MIEF2: variants seen among roughly 807,000 people sequenced by gnomAD.
MIEF2 encodes the protein mitochondrial dynamics protein MID49.
MIEF2 carries 1 observed loss-of-function variant against 7.4 expected under a neutral mutation model. The ratio of observed to expected loss-of-function variants is 0.14; its 90% CI spans 0.05 to 0.64. The LOEUF is 0.64. Ranked by LOEUF, MIEF2 falls within the 30% of genes least tolerant of loss-of-function variation. MIEF2 has a pLI of 0.85. For missense variants in MIEF2, 569 were observed against 623.9 expected, an observed-to-expected ratio of 0.91 and a Z score of 0.94; for synonymous variants, 275 against 290.5, an observed-to-expected ratio of 0.95 and a Z score of 0.54.
rs550456364 is a variant in MIEF2 at position 18,263,993 on chromosome 17, G to A, written c.594G>A (p.Val198=). Residue 198 remains valine (V), a synonymous_variant, in exon 4 of 4, where the codon GTG becomes GTA. Transcript: ENST00000323019. ...AGAADHVRLL[V]PLVLEPGLWS... is the part of the protein sequence containing the mutation. ...CTGCGGACCATGTGCGTCTCCTGGT[G>A]CCACTGGTGCTGGAGCCGGGCCTGT... is the stretch of plus-strand genomic sequence containing the variant. The A allele has an allele frequency of 7.6e-6, 12 of 1,569,020 alleles. No individual in the cohort carries two copies. The East Asian group carries it at 2.3e-4, about 30-fold the overall frequency.
chr17:18,261,705 C>T (rs138865936), intron 1 of MIEF2, among the ~76,000 whole-genome samples: 2,724 of 152,358 alleles, frequency 0.018, 50 homozygotes, highest in Non-Finnish European at 0.028. Context: ...CTGCCCCTCA[C>T]TGCTGCCTAT....
chr17:18,261,152 A>G lies in MIEF2; in HGVS notation c.-8+415A>G, dbSNP rs771974432. ...CCGCCAGAGATGGGGCTGAGTCCCA[A>G]TTTAGACAGGTTGGGAGTATTTAAA... On this transcript the variant is annotated intron_variant, in intron 1 of 3. Coordinates refer to ENST00000323019, the MANE Select transcript of MIEF2 (RefSeq NM_139162.4). The G allele has an allele frequency of 2.3e-5, 35 of 1,551,560 alleles. No homozygotes were observed. The African/African-American group carries it at 3.4e-4, about 15-fold the overall frequency.
In MIEF2 at chr17:18,260,740, A is replaced by C; in HGVS notation, c.-8+3A>C. ...GTCGTGCGGAAGCTGCGACGCAGGT[A>C]CAGCTGGAGCGCGGCGGGGCGGCCC... is the stretch of plus-strand genomic sequence containing the variant. On this transcript the variant is annotated splice_donor_region_variant and intron_variant, in intron 1 of 3. Transcript: ENST00000323019. 1.4e-5 allele frequency: 3 copies of C among 221,862 alleles called. No homozygotes were observed. The highest frequency in any genetic ancestry group is 2.7e-5 in the Non-Finnish European group (3 of 110,560). 13.7% of individuals were successfully genotyped at this position (221,862 alleles called of 1,614,324 possible). A position where few individuals can be genotyped will look rare whatever the true frequency, so the allele number is the denominator to read the frequency against.
Position 18,263,189 on chromosome 17 carries a change from C to T in MIEF2, c.251C>T (p.Pro84Leu), listed in dbSNP as rs1978515591. 6.2e-7 allele frequency: 1 copy of T among 1,613,646 alleles called. No homozygotes were observed. Among genetic ancestry groups the T allele is most frequent in the Non-Finnish European group, 8.5e-7 (1 of 1,180,044 alleles). Residue 84 changes from proline (P) to leucine (L), a missense_variant, in exon 3 of 4, where the codon CCT becomes CTT. Transcript: ENST00000323019. ...LKATPHLQPRPPPAALSQPVL... is the reference protein window; with the variant it reads ...LKATPHLQPRLPPAALSQPVL... ...GCCACACCACACCTGCAGCCCCGGC[C>T]TCCACCTGCTGCCCTTAGCCAGCCA...
Position 18,263,178 on chromosome 17 carries a change from G to A in MIEF2, c.240G>A (p.Leu80=), listed in dbSNP as rs1309472671. ...ELSLLKATPH[L]QPRPPPAALS... ...GCCTGCTCAAGGCCACACCACACCT[G>A]CAGCCCCGGCCTCCACCTGCTGCCC... The change falls in exon 3 of 4, where the codon CTG becomes CTA. Residue 80 remains leucine, a synonymous_variant. Coordinates refer to ENST00000323019, the MANE Select transcript of MIEF2 (RefSeq NM_139162.4). 6.2e-7 allele frequency: 1 copy of A among 1,613,588 alleles called. No homozygotes were observed. The highest frequency in any genetic ancestry group is 8.5e-7 in the Non-Finnish European group (1 of 1,180,034).
In MIEF2 at chr17:18,264,876, G is replaced by C; in HGVS notation, c.*112G>C. ...TCTAGCTTTTTGCCAGAACAAAGGA[G>C]GGTACATTACTTAAACCCAGGGCAT... On this transcript the variant is annotated 3_prime_UTR_variant, in exon 4 of 4. Coordinates refer to ENST00000323019, the MANE Select transcript of MIEF2 (RefSeq NM_139162.4). 1 of 1,455,594 alleles carries C rather than the reference G, an allele frequency of 6.9e-7. No homozygotes were observed. The highest frequency in any genetic ancestry group is 9.1e-7 in the Non-Finnish European group (1 of 1,102,634). The allele number at this position is 1,455,594 out of a possible 1,614,324, so 90.2% of individuals were successfully genotyped here. A position where few individuals can be genotyped will look rare whatever the true frequency, so the allele number is the denominator to read the frequency against.
chr17:18,266,180 T>C lies in MIEF2; in HGVS notation c.*1416T>C, dbSNP rs1978740128. The C allele has an allele frequency of 6.6e-6, 1 of 151,798 alleles. No individual in the cohort carries two copies. Among genetic ancestry groups the C allele is most frequent in the Non-Finnish European group, 1.5e-5 (1 of 68,008 alleles). The allele number at this position is 151,798 out of a possible 1,614,324, so 9.4% of individuals were successfully genotyped here. A position where few individuals can be genotyped will look rare whatever the true frequency, so the allele number is the denominator to read the frequency against. ...GAAATTGCACCACTGCACTCCAGAC[T>C]GGCGACAGAGCAAGACTCTGTCTCA... On this transcript the variant is annotated 3_prime_UTR_variant, in exon 4 of 4. Transcript: ENST00000323019.
Position 18,264,408 on chromosome 17 carries a change from G to C in MIEF2, c.1009G>C (p.Val337Leu). ...GNLWLQDLYPVEAARLRALDD... is the reference protein window; with the variant it reads ...GNLWLQDLYPLEAARLRALDD... ...CCTCTGGCTGCAGGACCTGTATCCA[G>C]TGGAGGCTGCTAGGCTGCGAGCCCT... Residue 337 changes from valine (V) to leucine (L), a missense_variant, in exon 4 of 4, where the codon GTG becomes CTG. Val to Leu is a conservative substitution (Grantham distance 32). Coordinates refer to ENST00000323019, the MANE Select transcript of MIEF2 (RefSeq NM_139162.4). 1 of 1,601,178 alleles carries C rather than the reference G, an allele frequency of 6.2e-7. No individual in the cohort carries two copies. Among genetic ancestry groups the C allele is most frequent in the Non-Finnish European group, 8.5e-7 (1 of 1,179,844 alleles).
In MIEF2 at chr17:18,266,153, C is replaced by G. The variant is rs1978738304; in HGVS notation, c.*1389C>G. 1 of 151,840 alleles carries G rather than the reference C, an allele frequency of 6.6e-6. No individual in the cohort carries two copies. The highest frequency in any genetic ancestry group is 2.4e-5 in the African/African-American group (1 of 41,238). The allele number at this position is 151,840 out of a possible 1,614,324, so 9.4% of individuals were successfully genotyped here. On this transcript the variant is annotated 3_prime_UTR_variant, in exon 4 of 4. Transcript: ENST00000323019. ...CCCGGGAGGTAGAGGTTGCAATGAG[C>G]TGAAATTGCACCACTGCACTCCAGA...
Position 18,261,051 on chromosome 17 carries a change from T to A in MIEF2, c.-8+314T>A, listed in dbSNP as rs939644765. On this transcript the variant is annotated intron_variant, in intron 1 of 3. Coordinates refer to ENST00000323019, the MANE Select transcript of MIEF2 (RefSeq NM_139162.4). ...GCCTCCAGGGCCCCGCTGCGCAAAC[T>A]TGGGTTATTTTCAGCCACCCGTGCC... The A allele has an allele frequency of 7.6e-5, 115 of 1,512,446 alleles. 1 individual carries two copies. The Middle Eastern group carries it at 1.5e-3, about 19-fold the overall frequency. The allele number at this position is 1,512,446 out of a possible 1,614,324, so 93.7% of individuals were successfully genotyped here.
chr17:18,263,357 T>C (rs1567724911), intron 3 of MIEF2, 109 bp downstream of exon 3: 2 of 1,431,034 alleles, frequency 1.4e-6, no homozygotes, highest in Admixed American at 1.7e-5. Flanking sequence ...CTCTCTCGGT[T>C]GTGGGCTCCT....
In MIEF2 at chr17:18,264,405, C is replaced by G; in HGVS notation, c.1006C>G (p.Pro336Ala). The change falls in exon 4 of 4, where the codon CCA becomes GCA. Residue 336 changes from proline (P) to alanine (A), a missense_variant. By Grantham distance (27) the Pro-to-Ala change is conservative (BLOSUM62 -1). Transcript: ENST00000323019. ...AGNLWLQDLY[P>A]VEAARLRALD... ...GAACCTCTGGCTGCAGGACCTGTAT[C>G]CAGTGGAGGCTGCTAGGCTGCGAGC... 1 of 1,601,204 alleles carries G rather than the reference C, an allele frequency of 6.2e-7. No individual in the cohort carries two copies. The highest frequency in any genetic ancestry group is 8.5e-7 in the Non-Finnish European group (1 of 1,179,836).
Position 18,264,775 on chromosome 17 carries a change from A to G in MIEF2, c.*11A>G, listed in dbSNP as rs1978659296. The G allele has an allele frequency of 1.9e-6, 3 of 1,588,670 alleles. No homozygotes were observed. Among genetic ancestry groups the G allele is most frequent in the Non-Finnish European group, 2.6e-6 (3 of 1,162,708 alleles). The stretch of plus-strand genomic sequence containing the variant: ...GAGGGGCTGCTCTAGGTGGGTGGAA[A>G]CGGGTGGTTGCCATGTTTTCTAATG... On this transcript the variant is annotated 3_prime_UTR_variant, in exon 4 of 4. Coordinates refer to ENST00000323019, the MANE Select transcript of MIEF2 (RefSeq NM_139162.4).
chr17:18,263,802 G>T lies in MIEF2; in HGVS notation c.403G>T (p.Glu135Ter). The stretch of plus-strand genomic sequence containing the variant: ...ACTGCAGGAGAGGCTGCTGGCCTTC[G>T]AGCGGGACCGTGTGACCATCCCAGC... ...LTLQERLLAF[E>*]RDRVTIPAAQ... The change falls in exon 4 of 4, where the codon GAG becomes TAG. Residue 135 changes from glutamate to a stop codon, truncating the protein, a stop_gained. Coordinates refer to ENST00000323019, the MANE Select transcript of MIEF2 (RefSeq NM_139162.4). LOFTEE classifies it low-confidence loss of function (END_TRUNC). 6.2e-7 allele frequency: 1 copy of T among 1,610,084 alleles called. No individual in the cohort carries two copies. The highest frequency in any genetic ancestry group is 8.5e-7 in the Non-Finnish European group (1 of 1,179,878).
intron 3 of MIEF2, 195 bp from the exon 4 acceptor site, chr17:18,263,515 G>A (rs1250297535): frequency 4.6e-6 from 4 of 863,760 alleles, no homozygotes; most frequent in Non-Finnish European, 7.2e-6. Flanking sequence ...TGTCGCCAGG[G>A]TGTTGGACTC....
Position 18,264,360 on chromosome 17 carries a change from C to T in MIEF2, c.961C>T (p.Pro321Ser), listed in dbSNP as rs1230078484. The change falls in exon 4 of 4, where the codon CCC (proline) becomes TCC (serine). Residue 321 changes from proline (P) to serine (S), a missense_variant. Pro to Ser is a moderately conservative substitution (Grantham distance 74). Transcript: ENST00000323019. ...DADDRLLLAW[P>S]LEGLAGNLWL... ...TGACGACCGCCTCCTCTTGGCCTGG[C>T]CCCTGGAGGGGCTGGCGGGGAACCT... 2 of 1,604,986 alleles carry T rather than the reference C, an allele frequency of 1.2e-6. No homozygotes were observed. Among genetic ancestry groups the T allele is most frequent in the Non-Finnish European group, 8.5e-7 (1 of 1,179,850 alleles).
At chr17:18,261,007 G>C in intron 1 of MIEF2, 1 of 1,188,322 alleles carries the variant, frequency 8.4e-7, no homozygotes, top group South Asian at 1.3e-5. Flanking sequence ...AGGTTTGGCG[G>C]AGGAGGGAAG....
chr17:18,261,097 G>A (rs1281446915), intron 1 of MIEF2: 7 of 1,551,060 alleles, frequency 4.5e-6, no homozygotes, highest in Non-Finnish European at 6.1e-6. Flanking sequence ...TCTCGGAGCT[G>A]GAAGGCTGTG....
intron 1 of MIEF2, chr17:18,261,082 C>T (rs1183577889): frequency 1.3e-6 from 2 of 1,550,260 alleles, no homozygotes; most frequent in South Asian, 1.2e-5. Flanking sequence ...GTGCCCTTTC[C>T]TGCTTCTCGG....
Sources: gnomAD v4.1 joint callset for allele counts (sites outside exome capture counted in the v4.1 genomes callset) on GRCh38, gnomAD v4.1.1 for gene constraint, MANE v1.5 for transcripts, NCBI Gene and HGNC (gene_info 2026-07-23, HGNC 2026-07-21) for gene names.